The following KCP variants were observed in gnomAD, a reference collection of about 807,000 sequenced individuals.
The protein encoded by KCP is kielin/chordin-like protein.
Under a neutral mutation model 212.7 loss-of-function variants are expected in KCP, and 194 were observed. The ratio of observed to expected loss-of-function variants is 0.91; its 90% confidence interval spans 0.81 to 1.03. KCP has a LOEUF of 1.03. Among genes scored for constraint, KCP ranks in the 50% least tolerant of loss-of-function variants. KCP has a pLI of 0.00. For missense variants in KCP, 2,080 were observed against 2,162.5 expected (o/e 0.96, Z 0.76); for synonymous variants, 833 against 865.3 (o/e 0.96, Z 0.65).
intron 22 of KCP, 49 bp from the exon 23 acceptor site, chr7:128,887,349 C>G (rs145617731): frequency 7.5e-7 from 1 of 1,331,314 alleles, no homozygotes; most frequent in Admixed American, 2.0e-5. Flanking sequence ...ACAGAACCTC[C>G]ACTGTCACAC....
At chr7:128,900,695 A>G (rs1794794697) in intron 8 of KCP, among the ~76,000 whole-genome samples, 1 of 152,244 alleles carries the variant, frequency 6.6e-6, no homozygotes, top group Non-Finnish European at 1.5e-5. Context: ...CAGAGTTATG[A>G]ATGGCCCTCG....
At position 128,892,712 on chromosome 7, in the gene KCP, G is replaced by T. The variant is rs1183122343; in HGVS notation, c.1503C>A (p.Ser501Arg). The T allele has an allele frequency of 3.0e-5, 47 of 1,551,530 alleles. No homozygotes were observed. Among genetic ancestry groups the T allele is most frequent in the Non-Finnish European group, 4.0e-5 (46 of 1,146,960 alleles). Residue 501 changes from serine to arginine, a missense_variant, in exon 15 of 40, where the codon AGC (serine) becomes AGA (arginine). By Grantham distance (110) the Ser-to-Arg change is moderately radical. Coordinates refer to ENST00000610776, the MANE Select transcript of KCP (RefSeq NM_001366122.1). Reference sequence around the variant, plus strand: ...CCTGACAGTGGCAGGCATGGCAAGGGCTGTCTGCATCCGTGAAGTTCTGCC... The same window carrying T: ...CCTGACAGTGGCAGGCATGGCAAGGTCTGTCTGCATCCGTGAAGTTCTGCC... ...ANGQNFTDADSPCHACHCQDG... is the reference protein window; with the variant it reads ...ANGQNFTDADRPCHACHCQDG...
chr7:128,910,482 C>T (rs760189700), intron 1 of KCP, 119 bp downstream of exon 1: 6 of 958,368 alleles, frequency 6.3e-6, no homozygotes, highest in Non-Finnish European at 7.3e-6. Flanking sequence ...GGGAGGCGCG[C>T]GAACCTCAGG....
Position 128,883,694 on chromosome 7 carries a change from C to T in KCP, c.3244+308G>A, listed in dbSNP as rs140615846. On this transcript the variant is annotated intron_variant, in intron 29 of 39. Transcript: ENST00000610776. ...TCTAACAACGACAACAAAAAAAGCT[C>T]GCCCACCCCTGTGGCTGGGCTACCC... Among the ~76,000 whole-genome samples, 23 of 152,322 alleles carry T rather than the reference C, an allele frequency of 1.5e-4. No individual in the cohort carries two copies. In the East Asian group the frequency reaches 4.4e-3, roughly 29 times the overall value.
chr7:128,888,237 CACAT>C (rs1427989745), intron 22 of KCP, among the ~76,000 whole-genome samples: 1 of 151,518 alleles, frequency 6.6e-6, no homozygotes, highest in Non-Finnish European at 1.5e-5. Context: ...TACACAGACA[CACAT>C]ACGGTCACAC....
intron 29 of KCP, 150 bp downstream of exon 29, chr7:128,883,852 G>A (rs542497255): frequency 3.1e-6 from 3 of 970,146 alleles, no homozygotes; most frequent in South Asian, 4.1e-5. Flanking sequence ...GTTCCCTTAG[G>A]GATGGTGCAG....
chr7:128,884,223 T>G, intron 28 of KCP, 101 bp from the exon 29 acceptor site: 1 of 1,413,344 alleles, frequency 7.1e-7, no homozygotes, highest in Admixed American at 2.8e-5. Flanking sequence ...TGCAGCCTCT[T>G]CCGGGACATG....
intron 8 of KCP, among the ~76,000 whole-genome samples, chr7:128,899,872 A>ATGTAAGGAATTATGATTCCTTAAGG: frequency 6.6e-6 from 1 of 151,890 alleles, no homozygotes; most frequent in African/African-American, 2.4e-5. Flanking sequence ...TTAAGGAATC[A>ATGTAAGGAATTATGATTCCTTAAGG]AATTTGACTT....
chr7:128,888,303 C>CAT (rs137971465), intron 22 of KCP, among the ~76,000 whole-genome samples: 47,933 of 144,844 alleles, frequency 0.33, 10,553 homozygotes, highest in African/African-American at 0.61. Flanking sequence ...GCAACACACA[C>CAT]ACACAGATAC....
At chr7:128,898,659 T>G (rs1013564040) in intron 8 of KCP, among the ~76,000 whole-genome samples, 10 of 152,232 alleles carry the variant, frequency 6.6e-5, no homozygotes, top group African/African-American at 2.4e-4. Context: ...GGTAAAAGAT[T>G]ATAAAAAGTC....
Position 128,883,995 on chromosome 7 carries a change from G to A in KCP, c.3244+7C>T. On this transcript the variant is annotated splice_region_variant and intron_variant, in intron 29 of 39. Coordinates refer to ENST00000610776, the MANE Select transcript of KCP (RefSeq NM_001366122.1). ...TATCTCATCTACCCCCACATCCCTG[G>A]ACTCACCGGCACAGGTGGGACAGCA... 1 of 1,548,054 alleles carries A rather than the reference G, an allele frequency of 6.5e-7. No homozygotes were observed. The highest frequency in any genetic ancestry group is 1.4e-5 in the African/African-American group (1 of 73,040).
At position 128,880,379 on chromosome 7, in the gene KCP, C is replaced by A; in HGVS notation, c.3759+7G>T. 6.6e-7 allele frequency: 1 copy of A among 1,518,714 alleles called. No individual in the cohort carries two copies. Among genetic ancestry groups the A allele is most frequent in the Non-Finnish European group, 8.9e-7 (1 of 1,128,462 alleles). 94.1% of individuals were successfully genotyped at this position (1,518,714 alleles called of 1,614,324 possible). Reference sequence around the variant, plus strand: ...CCCTCCCCACCATTTTAGATTGCGGCACTCACGGGGCCACACGAGAGCGGT... The same window carrying A: ...CCCTCCCCACCATTTTAGATTGCGGAACTCACGGGGCCACACGAGAGCGGT... On this transcript the variant is annotated splice_region_variant and intron_variant, in intron 34 of 39. Transcript: ENST00000610776.
intron 18 of KCP, 28 bp from the exon 19 acceptor site, chr7:128,891,306 C>T (rs1409730811): frequency 1.3e-6 from 2 of 1,547,594 alleles, no homozygotes; most frequent in South Asian, 2.4e-5. Context: ...CACCACGGGT[C>T]AGTGGGTTAG....
intron 37 of KCP, 108 bp downstream of exon 37, chr7:128,879,414 T>G: frequency 1.1e-6 from 1 of 924,936 alleles, no homozygotes; most frequent in Non-Finnish European, 1.6e-6. Flanking sequence ...CCTTGCCTTT[T>G]TTGGCTAGGA....
At chr7:128,902,888 G>C in intron 7 of KCP, 29 bp from the exon 8 acceptor site, 777 of 1,456,486 alleles carry the variant, frequency 5.3e-4, no homozygotes, top group Non-Finnish European at 6.7e-4. Context: ...GAAGAGGGAG[G>C]CCTGGTGGGA....
chr7:128,879,437 C>A, intron 37 of KCP, 85 bp downstream of exon 37: 1 of 1,203,098 alleles, frequency 8.3e-7, no homozygotes, highest in Admixed American at 2.2e-5. Flanking sequence ...TAGCTGGCAT[C>A]CCCACCCCCT....
chr7:128,884,676 C>T, intron 28 of KCP, 105 bp downstream of exon 28: 1 of 1,058,108 alleles, frequency 9.5e-7, no homozygotes, highest in Non-Finnish European at 1.4e-6. Flanking sequence ...CTTTGGCCCC[C>T]AGAGTGCCTG....
In KCP at chr7:128,891,688, C is replaced by T. The variant is rs1585223138; in HGVS notation, c.1753G>A (p.Ala585Thr). 2 of 1,452,632 alleles carry T rather than the reference C, an allele frequency of 1.4e-6. No homozygotes were observed. Among genetic ancestry groups the T allele is most frequent in the Non-Finnish European group, 9.1e-7 (1 of 1,101,408 alleles). 90.0% of individuals were successfully genotyped at this position (1,452,632 alleles called of 1,614,324 possible). A position where few individuals can be genotyped will look rare whatever the true frequency, so the allele number is the denominator to read the frequency against. The change falls in exon 17 of 40, where the codon GCC (alanine) becomes ACC (threonine). Residue 585 changes from alanine to threonine, a missense_variant. By Grantham distance (58) the Ala-to-Thr change is moderately conservative. Transcript: ENST00000610776. The part of the protein sequence containing the change: ...QPRPCPRAPC[A>T]HPLPGTCCPN... ...CAGCAGGTCCCAGGCAGCGGGTGGG[C>T]ACAGGGGGCCCTGGGGCAGGGGCGA...
At position 128,907,275 on chromosome 7, in the gene KCP, G is replaced by A. The variant is rs1408110382; in HGVS notation, c.398C>T (p.Pro133Leu). 2 of 1,534,282 alleles carry A rather than the reference G, an allele frequency of 1.3e-6. No individual in the cohort carries two copies. Among genetic ancestry groups the A allele is most frequent in the Non-Finnish European group, 1.8e-6 (2 of 1,133,200 alleles). Residue 133 changes from proline (P) to leucine (L), a missense_variant, in exon 3 of 40, where the codon CCC (proline) becomes CTC (leucine). Transcript: ENST00000610776. ...AAHCGPQAHL[P>L]HCRGCSQNGQ... ...AGGGTGGCACTTACCCCTGCAATGG[G>A]GCAGGTGTGCTTGGGGGCCACAGTG...
Sources: gnomAD v4.1 joint callset for allele counts (sites outside exome capture counted in the v4.1 genomes callset) on GRCh38, gnomAD v4.1.1 for gene constraint, MANE v1.5 for transcripts, NCBI Gene and HGNC (gene_info 2026-07-23, HGNC 2026-07-21) for gene names.